ANKAR: variants seen among roughly 807,000 people sequenced by gnomAD.
The protein encoded by ANKAR is ankyrin and armadillo repeat containing.
A neutral mutation model predicts 146.2 loss-of-function variants in ANKAR; 136 were observed. That is an observed-to-expected ratio of 0.93 (90% CI 0.81 to 1.07). The LOEUF is 1.07. Among genes scored for constraint, ANKAR ranks in the 50% least tolerant of loss-of-function variants. The pLI, the probability that ANKAR is intolerant of heterozygous loss-of-function variation, is 0.00. For synonymous variants in ANKAR, 500 were observed against 575.8 expected (o/e 0.87, Z 1.88); for missense variants, 1,567 against 1,679.9 (o/e 0.93, Z 1.18).
At chr2:189,721,474 A>G (rs985975734) in intron 12 of ANKAR, among the ~76,000 whole-genome samples, 1 of 152,206 alleles carries the variant, frequency 6.6e-6, no homozygotes, top group African/African-American at 2.4e-5. Flanking sequence ...ATAGTAACAT[A>G]TTGATCATGG....
intron 10 of ANKAR, among the ~76,000 whole-genome samples, chr2:189,714,298 C>G (rs1000923667): frequency 1.3e-5 from 2 of 152,220 alleles, no homozygotes; most frequent in Admixed American, 6.5e-5. Flanking sequence ...CCCAAATCAA[C>G]AGAATATACA....
At chr2:189,741,106 C>G (rs1240558414) in intron 19 of ANKAR, among the ~76,000 whole-genome samples, 5 of 152,142 alleles carry the variant, frequency 3.3e-5, no homozygotes, top group Non-Finnish European at 7.4e-5. Flanking sequence ...CTCTAATTTT[C>G]AAATTTTTCA....
At chr2:189,718,691 A>C (rs888022830) in intron 10 of ANKAR, among the ~76,000 whole-genome samples, 1 of 151,466 alleles carries the variant, frequency 6.6e-6, no homozygotes, top group Non-Finnish European at 1.5e-5. Context: ...TCTATTTATC[A>C]TTAAATTGAT....
At position 189,676,399 on chromosome 2, in the gene ANKAR, C is replaced by T. The variant is rs551028627; in HGVS notation, c.-35-57C>T. The T allele has an allele frequency of 3.6e-5, 49 of 1,364,934 alleles. No individual in the cohort carries two copies. The South Asian group carries it at 4.3e-4, about 12-fold the overall frequency. The allele number at this position is 1,364,934 out of a possible 1,614,324, so 84.6% of individuals were successfully genotyped here. On this transcript the variant is annotated intron_variant, in intron 1 of 22. Coordinates refer to ENST00000684021, the MANE Select transcript of ANKAR (RefSeq NM_001378068.1). ...GTACAGATTTATTTCTAGACAAATC[C>T]AGTTTCATTGGCATGTCAGATTTTA...
rs1327867480 is a variant in ANKAR at position 189,737,685 on chromosome 2, T to C, written c.3426T>C (p.Asp1142=). The part of the protein sequence containing the change: ...VLYLLHSTEK[D]ICLRAGYALT... ...ATGCCTGTTTCTCCTATTTTTAGGATATTTGCTTAAGAGCAGGCTATGCAT... is the reference window on the plus strand; with the variant it reads ...ATGCCTGTTTCTCCTATTTTTAGGACATTTGCTTAAGAGCAGGCTATGCAT... Residue 1142 remains aspartate, a splice_region_variant and synonymous_variant, in exon 18 of 23, where the codon GAT becomes GAC. Transcript: ENST00000684021. The C allele has an allele frequency of 2.5e-6, 4 of 1,585,684 alleles. No homozygotes were observed. In the South Asian group the frequency reaches 4.7e-5, roughly 19 times the overall value.
intron 6 of ANKAR, among the ~76,000 whole-genome samples, chr2:189,695,818 G>A (rs908078951): frequency 6.6e-5 from 10 of 152,128 alleles, no homozygotes; most frequent in African/African-American, 2.4e-4. Flanking sequence ...TATTTCTACA[G>A]CTATATATTT....
At chr2:189,753,151 C>A in intron 18 of ANKAR, 1 of 453,888 alleles carries the variant, frequency 2.2e-6, no homozygotes. Context: ...AAAAAAATTA[C>A]TAATAATTCT....
intron 7 of ANKAR, among the ~76,000 whole-genome samples, chr2:189,701,762 T>G (rs991763438): frequency 8.5e-5 from 13 of 152,206 alleles, no homozygotes; most frequent in Non-Finnish European, 1.5e-4. Flanking sequence ...AATCATAGTT[T>G]TAAATTCCCT....
At chr2:189,699,753 G>A (rs986569424) in intron 7 of ANKAR, among the ~76,000 whole-genome samples, 5 of 152,196 alleles carry the variant, frequency 3.3e-5, no homozygotes, top group African/African-American at 7.2e-5. Flanking sequence ...TCCGCCTCCC[G>A]GCCCCTGGGT....
At chr2:189,750,594 A>T (rs539684034), downstream of ANKAR, 4 of 1,581,494 alleles carry the variant, frequency 2.5e-6, no homozygotes, top group South Asian at 3.5e-5. Flanking sequence ...CTCCATTTTT[A>T]ATTGTGGTAC....
chr2:189,705,420 C>T (rs1250232027), intron 8 of ANKAR, among the ~76,000 whole-genome samples, 196 bp downstream of exon 8: 1 of 152,256 alleles, frequency 6.6e-6, no homozygotes, highest in Non-Finnish European at 1.5e-5. Context: ...TACTCACTGT[C>T]TCGTCCTAAC....
At position 189,741,391 on chromosome 2, in the gene ANKAR, A is replaced by G. The variant is rs2043315472; in HGVS notation, c.3750A>G (p.Ala1250=). 2 of 1,610,646 alleles carry G rather than the reference A, an allele frequency of 1.2e-6. No homozygotes were observed. The highest frequency in any genetic ancestry group is 1.1e-5 in the South Asian group (1 of 90,606). The change falls in exon 20 of 23, where the codon GCA becomes GCG. Residue 1250 remains alanine (A), a synonymous_variant. Transcript: ENST00000684021. The stretch of plus-strand genomic sequence containing the variant: ...ATTCTAGAGCTGGTATCCCAGAAGC[A>G]TTTACCACATTAGGAACAATCCAAC... ...LAHSRAGIPE[A]FTTLGTIQRL... is the part of the protein sequence containing the mutation.
At position 189,738,670 on chromosome 2, in the gene ANKAR, A is replaced by G. The variant is rs2043063309; in HGVS notation, c.3688A>G (p.Ile1230Val). Residue 1230 changes from isoleucine (I) to valine (V), a missense_variant, in exon 19 of 23, where the codon ATT (isoleucine) becomes GTT (valine). Coordinates refer to ENST00000684021, the MANE Select transcript of ANKAR (RefSeq NM_001378068.1). ...DSLYSVQTST[I>V]VLTGNLIASL... ...TCTGTATTCAGTTCAGACTTCTACT[A>G]TTGTCTTGACAGGTAAGAAATGACT... is the stretch of plus-strand genomic sequence containing the variant. 6.3e-7 allele frequency: 1 copy of G among 1,595,272 alleles called. No individual in the cohort carries two copies. The highest frequency in any genetic ancestry group is 1.3e-5 in the African/African-American group (1 of 74,382).
At chr2:189,755,495 T>C (rs941936646) in intron 18 of ANKAR, 11 of 1,603,558 alleles carry the variant, frequency 6.9e-6, no homozygotes, top group African/African-American at 2.7e-5. Flanking sequence ...AAGAGCTTCT[T>C]GTACTATTCG....
rs185588583 is a variant in ANKAR at position 189,744,560 on chromosome 2, A to G, written c.4011-182A>G. Among the ~76,000 whole-genome samples the G allele has an allele frequency of 1.2e-4, 18 of 152,330 alleles. No individual in the cohort carries two copies. In the South Asian group the frequency reaches 2.5e-3, roughly 21 times the overall value. ...AAATGTTTGGAGTAAATAAGTGAGTAAATGAGTGACTGAATATAAAATACT... is the reference window on the plus strand; with the variant it reads ...AAATGTTTGGAGTAAATAAGTGAGTGAATGAGTGACTGAATATAAAATACT... On this transcript the variant is annotated intron_variant, in intron 21 of 22. Transcript: ENST00000684021.
intron 18 of ANKAR, among the ~76,000 whole-genome samples, chr2:189,757,635 A>C (rs574941313): frequency 6.6e-6 from 1 of 152,374 alleles, no homozygotes; most frequent in African/African-American, 2.4e-5. Flanking sequence ...TAAATGGTTG[A>C]ACCAGAATAT....
chr2:189,736,388 T>G (rs1265097878), intron 17 of ANKAR, among the ~76,000 whole-genome samples: 1 of 152,140 alleles, frequency 6.6e-6, no homozygotes, highest in Non-Finnish European at 1.5e-5. Context: ...TACTTGGCTC[T>G]AGGTTCTATT....
chr2:189,739,762 C>A (rs1164257586), intron 19 of ANKAR, among the ~76,000 whole-genome samples: 1 of 152,062 alleles, frequency 6.6e-6, no homozygotes, highest in Non-Finnish European at 1.5e-5. Context: ...TGGGGTTTCA[C>A]CATGTTGGCC....
At chr2:189,752,136 T>TA (rs1448821680) in intron 18 of ANKAR, among the ~76,000 whole-genome samples, 46 of 139,544 alleles carry the variant, frequency 3.3e-4, no homozygotes, top group South Asian at 2.0e-3. Context: ...ACTAAGACTC[T>TA]AAAAAAAAAA....
Sources: allele counts gnomAD v4.1 joint callset (sites outside exome capture counted in the v4.1 genomes callset), GRCh38; gene constraint gnomAD v4.1.1; transcripts MANE v1.5; gene names NCBI Gene and HGNC (gene_info 2026-07-23, HGNC 2026-07-21).